INPP5K: variants seen among roughly 807,000 people sequenced by gnomAD.
The protein encoded by INPP5K is inositol polyphosphate 5-phosphatase K.
A neutral mutation model predicts 53.5 loss-of-function variants in INPP5K; 35 were observed. The ratio of observed to expected loss-of-function variants is 0.65; its 90% CI spans 0.50 to 0.87. The LOEUF (loss-of-function observed/expected upper bound fraction) is 0.87, where lower values mean the gene tolerates loss of function less well. INPP5K is among the 40% of genes least tolerant of loss of function. The pLI is 0.00. For synonymous variants in INPP5K, 253 were observed against 232.8 expected (o/e 1.09, Z -0.79); for missense variants, 550 against 586.2 (o/e 0.94, Z 0.64).
In INPP5K at chr17:1,513,857, C is replaced by T. The variant is rs764599051; in HGVS notation, c.152+15G>A. The T allele has an allele frequency of 1.9e-6, 3 of 1,582,442 alleles. No homozygotes were observed. The East Asian group carries it at 6.7e-5, about 35-fold the overall frequency. The stretch of plus-strand genomic sequence containing the variant: ...GACTGGTCAGGGATGGGCGAAGGAG[C>T]CTGCAGATACCTACCCAATAACATA... On this transcript the variant is annotated intron_variant, in intron 2 of 11. Transcript: ENST00000421807.
intron 7 of INPP5K, among the ~76,000 whole-genome samples, chr17:1,499,326 C>T (rs2074945811): frequency 6.6e-6 from 1 of 152,094 alleles, no homozygotes; most frequent in South Asian, 2.1e-4. Context: ...TCCTGACTCT[C>T]TACTAAAAGT....
intron 8 of INPP5K, 118 bp downstream of exon 8, chr17:1,497,818 G>A (rs1402331901): frequency 3.5e-6 from 3 of 868,720 alleles, no homozygotes; most frequent in Non-Finnish European, 5.4e-6. Flanking sequence ...AGGCAATCAT[G>A]GCCTCCACAG....
chr17:1,501,389 T>C (rs761323509), intron 7 of INPP5K, among the ~76,000 whole-genome samples: 1 of 152,124 alleles, frequency 6.6e-6, no homozygotes, highest in Non-Finnish European at 1.5e-5. Flanking sequence ...CAGAGACCAG[T>C]TGGGGGAAGG....
chr17:1,495,929 G>A, intron 11 of INPP5K, 50 bp from the exon 12 acceptor site: 1 of 1,514,750 alleles, frequency 6.6e-7, no homozygotes, highest in Non-Finnish European at 9.2e-7. Context: ...CTTCCTCCGT[G>A]CTTTCCATCA....
chr17:1,506,232 C>T (rs2075151355), intron 7 of INPP5K, among the ~76,000 whole-genome samples: 1 of 152,128 alleles, frequency 6.6e-6, no homozygotes, highest in African/African-American at 2.4e-5. Context: ...CCATGTTGGT[C>T]AGGCTGGTCT....
rs184452547 is a variant in INPP5K, at chr17:1,502,242, A to G, written c.777-4120T>C. ...CGGGCGCCTGTAGTCCCAGCTACTCAGGAGGCTGAGGCAAGAGAATGGCGT... is the reference window on the plus strand; with the variant it reads ...CGGGCGCCTGTAGTCCCAGCTACTCGGGAGGCTGAGGCAAGAGAATGGCGT... On this transcript the variant is annotated intron_variant, in intron 7 of 11. Coordinates refer to ENST00000421807, the MANE Select transcript of INPP5K (RefSeq NM_016532.4). Among the ~76,000 whole-genome samples the G allele has an allele frequency of 4.3e-3, 659 of 152,238 alleles. 17 individuals carry two copies. Among genetic ancestry groups the G allele is most frequent in the Non-Finnish European group, 1.3e-3 (87 of 68,004 alleles).
At chr17:1,504,249 A>G (rs2075103506) in intron 7 of INPP5K, among the ~76,000 whole-genome samples, 2 of 152,254 alleles carry the variant, frequency 1.3e-5, no homozygotes, top group South Asian at 4.1e-4. Context: ...TCTCAAAAGC[A>G]ACACTGAAAG....
At chr17:1,500,812 G>A (rs1231786447) in intron 7 of INPP5K, among the ~76,000 whole-genome samples, 2 of 152,080 alleles carry the variant, frequency 1.3e-5, no homozygotes, top group African/African-American at 4.8e-5. Flanking sequence ...ACAGATCCTG[G>A]CACACAGGTA....
intron 3 of INPP5K, 92 bp from the exon 4 acceptor site, chr17:1,509,891 T>A (rs2075267382): frequency 2.8e-6 from 2 of 726,796 alleles, no homozygotes; most frequent in South Asian, 3.3e-5. Context: ...TAGAGAGCCC[T>A]CAGCTACATG....
rs879593377 is a variant in INPP5K at position 1,501,350 on chromosome 17, G to A, written c.777-3228C>T. ...TATTCTAGCAACTGAGGAGAATGGC[G>A]TTACAGTGGTGAGCTCAGACTTTTG... On this transcript the variant is annotated intron_variant, in intron 7 of 11. Transcript: ENST00000421807. Among the ~76,000 whole-genome samples, 6 of 152,226 alleles carry A rather than the reference G, an allele frequency of 3.9e-5. No individual in the cohort carries two copies. The East Asian group carries it at 5.8e-4, about 15-fold the overall frequency.
intron 7 of INPP5K, among the ~76,000 whole-genome samples, chr17:1,499,908 C>T (rs1325663991): frequency 1.3e-5 from 2 of 152,334 alleles, no homozygotes; most frequent in Non-Finnish European, 2.9e-5. Flanking sequence ...ATCTATTGAT[C>T]GATCGACAGG....
intron 11 of INPP5K, 40 bp from the exon 12 acceptor site, chr17:1,495,919 C>G (rs756328137): frequency 6.4e-7 from 1 of 1,555,818 alleles, no homozygotes; most frequent in Non-Finnish European, 8.9e-7. Context: ...GAGAGCGGGT[C>G]TTCCTCCGTG....
intron 1 of INPP5K, 123 bp downstream of exon 1, chr17:1,516,333 G>A: frequency 8.7e-7 from 1 of 1,144,162 alleles, no homozygotes; most frequent in Non-Finnish European, 1.2e-6. Context: ...GTGGGAGAAG[G>A]CGAGAGCGCC....
rs1376800372 is a variant in INPP5K at position 1,495,216 on chromosome 17, G to A, written c.*607C>T. ...GGGAGGAAGGTTGTGCTGGCCGAAGGACCCTCATCAACCTGCTCATAACCA... is the reference window on the plus strand; with the variant it reads ...GGGAGGAAGGTTGTGCTGGCCGAAGAACCCTCATCAACCTGCTCATAACCA... On this transcript the variant is annotated 3_prime_UTR_variant, in exon 12 of 12. Coordinates refer to ENST00000421807, the MANE Select transcript of INPP5K (RefSeq NM_016532.4). 7 of 152,280 alleles carry A rather than the reference G, an allele frequency of 4.6e-5. No individual in the cohort carries two copies. The allele number at this position is 152,280 out of a possible 1,614,324, so 9.4% of individuals were successfully genotyped here. A position where few individuals can be genotyped will look rare whatever the true frequency, so the allele number is the denominator to read the frequency against.
chr17:1,503,805 C>T (rs1472593955), intron 7 of INPP5K, among the ~76,000 whole-genome samples: 1 of 152,128 alleles, frequency 6.6e-6, no homozygotes, highest in African/African-American at 2.4e-5. Flanking sequence ...GGATTCCCGC[C>T]CTGCCCTCAG....
intron 4 of INPP5K, 131 bp downstream of exon 4, chr17:1,509,552 G>A: frequency 1.1e-6 from 1 of 870,544 alleles, no homozygotes; most frequent in Non-Finnish European, 1.9e-6. Flanking sequence ...AGCCCACTCT[G>A]AGGCAAAAGA....
chr17:1,499,471 C>T (rs1014493854), intron 7 of INPP5K, among the ~76,000 whole-genome samples: 3 of 152,018 alleles, frequency 2.0e-5, no homozygotes, highest in African/African-American at 7.2e-5. Flanking sequence ...CTAGCCTGGG[C>T]GACAGAGCAA....
chr17:1,509,810 G>C lies in INPP5K; in HGVS notation c.262-11C>G. ...ACGGACATGGGAGACCTGCAGGAGA[G>C]AGAGGGCAAAGGTCGCTCATTAAAC... On this transcript the variant is annotated splice_polypyrimidine_tract_variant and intron_variant, in intron 3 of 11. Transcript: ENST00000421807. The C allele has an allele frequency of 6.4e-7, 1 of 1,563,454 alleles. No individual in the cohort carries two copies.
chr17:1,515,727 T>G lies in INPP5K; in HGVS notation c.44+729A>C, dbSNP rs114619541. 4,146 of 615,326 alleles carry G rather than the reference T, an allele frequency of 6.7e-3. 152 individuals are homozygous for G. The African/African-American group carries it at 0.076, about 11-fold the overall frequency. The allele number at this position is 615,326 out of a possible 1,614,324, so 38.1% of individuals were successfully genotyped here. A position where few individuals can be genotyped will look rare whatever the true frequency, so the allele number is the denominator to read the frequency against. On this transcript the variant is annotated intron_variant, in intron 1 of 11. Transcript: ENST00000421807. ...TCTTGGCCAGTTTAAAGCAACTTCC[T>G]GTCCCTCCCTGTTAGCATAAACAAC... is the stretch of plus-strand genomic sequence containing the variant.
Sources: allele counts gnomAD v4.1 joint callset (sites outside exome capture counted in the v4.1 genomes callset), GRCh38; gene constraint gnomAD v4.1.1; transcripts MANE v1.5; gene names NCBI Gene and HGNC (gene_info 2026-07-23, HGNC 2026-07-21).